Variants in DPEP1 observed in about 807,000 individuals in gnomAD.
DPEP1 encodes beta-lactamase.
Under a neutral mutation model 42.3 loss-of-function variants are expected in DPEP1, and 50 were observed. The observed-to-expected ratio is 1.18, with a 90% CI of 0.94 to 1.50. DPEP1 has a LOEUF of 1.50. Among genes scored for constraint, DPEP1 ranks in the 40% most tolerant of loss-of-function variants. DPEP1 has a pLI of 0.00. For synonymous variants in DPEP1, 297 were observed against 234.0 expected (o/e 1.27, Z -2.46); for missense variants, 663 against 553.0 (o/e 1.20, Z -1.99).
chr16:89,638,164 A>T lies in DPEP1; in HGVS notation c.1178A>T (p.His393Leu). 6.2e-7 allele frequency: 1 copy of T among 1,606,734 alleles called. No individual in the cohort carries two copies. Among genetic ancestry groups the T allele is most frequent in the Non-Finnish European group, 8.5e-7 (1 of 1,175,784 alleles). ...TCTGGGGCTTCCAGCCTCCATCGCCACTGGGGGCTCCTGCTGGCCTCCCTC... is the reference window on the plus strand; with the variant it reads ...TCTGGGGCTTCCAGCCTCCATCGCCTCTGGGGGCTCCTGCTGGCCTCCCTC... ...YSSGASSLHR[H>L]WGLLLASLAP... is the part of the protein sequence containing the mutation. Residue 393 changes from histidine (H) to leucine (L), a missense_variant, in exon 11 of 11, where the codon CAC (histidine) becomes CTC (leucine). His to Leu is a moderately conservative substitution (Grantham distance 99). Coordinates refer to ENST00000690203, the MANE Select transcript of DPEP1 (RefSeq NM_001389466.1).
intron 1 of DPEP1, among the ~76,000 whole-genome samples, chr16:89,618,595 C>T (rs971163825): frequency 5.9e-5 from 9 of 152,094 alleles, no homozygotes; most frequent in Non-Finnish European, 8.8e-5. Flanking sequence ...CCTCAAGCTC[C>T]GAGGCTCAAC....
Position 89,636,944 on chromosome 16 carries a change from G to C in DPEP1, c.591+9G>C. The C allele has an allele frequency of 6.2e-7, 1 of 1,611,962 alleles. No homozygotes were observed. Among genetic ancestry groups the C allele is most frequent in the Non-Finnish European group, 8.5e-7 (1 of 1,179,798 alleles). On this transcript the variant is annotated intron_variant, in intron 6 of 10. Coordinates refer to ENST00000690203, the MANE Select transcript of DPEP1 (RefSeq NM_001389466.1). Reference sequence around the variant, plus strand: ...TGTCACCCTTTGGGCAGGTGAGTGGGGTGGGAGCGGCCAGTCACCCCCGAG... The same window carrying C: ...TGTCACCCTTTGGGCAGGTGAGTGGCGTGGGAGCGGCCAGTCACCCCCGAG...
intron 2 of DPEP1, among the ~76,000 whole-genome samples, chr16:89,631,852 A>G (rs1392929803): frequency 1.3e-5 from 2 of 152,074 alleles, no homozygotes; most frequent in Non-Finnish European, 2.9e-5. Context: ...GTGAGACTCC[A>G]TCTCAAATTA....
At chr16:89,618,834 C>T (rs997474441) in intron 1 of DPEP1, among the ~76,000 whole-genome samples, 1 of 151,980 alleles carries the variant, frequency 6.6e-6, no homozygotes, top group African/African-American at 2.4e-5. Flanking sequence ...AGGAACCCTG[C>T]ACAAAACTGG....
At chr16:89,616,286 C>T (rs1297529718) in intron 1 of DPEP1, among the ~76,000 whole-genome samples, 2 of 152,074 alleles carry the variant, frequency 1.3e-5, no homozygotes, top group Non-Finnish European at 2.9e-5. Context: ...GGACCTGTGC[C>T]CTGGAAGGAC....
intron 1 of DPEP1, among the ~76,000 whole-genome samples, chr16:89,617,390 C>A (rs1020125873): frequency 5.9e-5 from 9 of 152,174 alleles, no homozygotes; most frequent in Admixed American, 6.5e-5. Context: ...ACGGTGCCTG[C>A]ATGGAAGAAT....
chr16:89,621,715 CATGCACGTGTGTCTGT>C (rs1287798959), intron 1 of DPEP1, among the ~76,000 whole-genome samples: 1 of 152,190 alleles, frequency 6.6e-6, no homozygotes, highest in Non-Finnish European at 1.5e-5. Flanking sequence ...CTCACCTGTG[CATGCACGTGTGTCTGT>C]GTGCACGTGG....
At chr16:89,635,852 G>T in intron 2 of DPEP1, 56 bp from the exon 3 acceptor site, 1 of 1,529,932 alleles carries the variant, frequency 6.5e-7, no homozygotes, top group Non-Finnish European at 8.8e-7. Context: ...GAGCTCGGAA[G>T]CCCCCAGGTC....
At chr16:89,628,979 A>G (rs2059550956) in intron 1 of DPEP1, among the ~76,000 whole-genome samples, 1 of 151,966 alleles carries the variant, frequency 6.6e-6, no homozygotes, top group Admixed American at 6.6e-5. Context: ...GGTGCGCACC[A>G]CCATGCCCAG....
chr16:89,631,966 T>C (rs1463518379), intron 2 of DPEP1, among the ~76,000 whole-genome samples: 1 of 152,006 alleles, frequency 6.6e-6, no homozygotes, highest in Non-Finnish European at 1.5e-5. Context: ...CTCACATCTG[T>C]ATGCTGGCCA....
chr16:89,631,534 G>A (rs761159147), intron 2 of DPEP1, among the ~76,000 whole-genome samples: 9 of 152,164 alleles, frequency 5.9e-5, no homozygotes, highest in Non-Finnish European at 1.2e-4. Flanking sequence ...AAAAAAGCAG[G>A]GAAACCCGAT....
chr16:89,623,100 T>A (rs1326746837), intron 1 of DPEP1, among the ~76,000 whole-genome samples: 2 of 151,212 alleles, frequency 1.3e-5, no homozygotes, highest in African/African-American at 4.9e-5. Context: ...CAGAGGAAGG[T>A]CAGGAGGCCC....
rs544945045 is a variant in DPEP1, at chr16:89,627,230, G to A, written c.-106-3075G>A. Among the ~76,000 whole-genome samples, 25 of 143,308 alleles carry A rather than the reference G, an allele frequency of 1.7e-4. No individual in the cohort carries two copies. In the South Asian group the frequency reaches 2.0e-3, roughly 11 times the overall value. 94.0% of individuals were successfully genotyped at this position (143,308 alleles called of 152,430 possible). A position where few individuals can be genotyped will look rare whatever the true frequency, so the allele number is the denominator to read the frequency against. On this transcript the variant is annotated intron_variant, in intron 1 of 10. Transcript: ENST00000690203. Reference sequence around the variant, plus strand: ...AGAGCTTGCAGTGAGCTGAGGTTGCGCCACTGCACTCCAGCCTGGGCAATA... The same window carrying A: ...AGAGCTTGCAGTGAGCTGAGGTTGCACCACTGCACTCCAGCCTGGGCAATA...
rs766403799 is a variant in DPEP1, at chr16:89,630,447, G to A, written c.37G>A (p.Val13Ile). ...ATGGTGGCTGTGGCCCCTTGTGGCC[G>A]TCTGCACTGCAGACTTCTTTCGGGA... Reference protein sequence around the residue: ...SGWWLWPLVAVCTADFFRDEA... With the variant: ...SGWWLWPLVAICTADFFRDEA... The change falls in exon 2 of 11, where the codon GTC becomes ATC. Residue 13 changes from valine (V) to isoleucine (I), a missense_variant. Val to Ile is a conservative substitution (Grantham distance 29, BLOSUM62 3). Transcript: ENST00000690203. 26 of 1,611,468 alleles carry A rather than the reference G, an allele frequency of 1.6e-5. No homozygotes were observed. Among genetic ancestry groups the A allele is most frequent in the African/African-American group, 1.3e-4 (10 of 74,444 alleles).
At chr16:89,622,814 T>C (rs1448234593) in intron 1 of DPEP1, among the ~76,000 whole-genome samples, 1 of 146,758 alleles carries the variant, frequency 6.8e-6, no homozygotes, top group Non-Finnish European at 1.5e-5. Flanking sequence ...CGTCAGACAA[T>C]AGAAAGTCTC....
rs2059567554 is a variant in DPEP1, at chr16:89,630,312, G to A, written c.-99G>A. On this transcript the variant is annotated 5_prime_UTR_variant, in exon 2 of 11. Coordinates refer to ENST00000690203, the MANE Select transcript of DPEP1 (RefSeq NM_001389466.1). Reference sequence around the variant, plus strand: ...TGGTGCCTCTCCTGGCAGGCAGAGTGGCTCCTCACAGCCTGAAGCTCATCC... The same window carrying A: ...TGGTGCCTCTCCTGGCAGGCAGAGTAGCTCCTCACAGCCTGAAGCTCATCC... 2 of 898,932 alleles carry A rather than the reference G, an allele frequency of 2.2e-6. No individual in the cohort carries two copies. Among genetic ancestry groups the A allele is most frequent in the South Asian group, 1.5e-5 (1 of 68,622 alleles). 55.7% of individuals were successfully genotyped at this position (898,932 alleles called of 1,614,324 possible).
At chr16:89,629,783 C>T (rs538062892) in intron 1 of DPEP1, among the ~76,000 whole-genome samples, 95 of 152,256 alleles carry the variant, frequency 6.2e-4, no homozygotes, top group Non-Finnish European at 8.8e-4. Flanking sequence ...GTCCCTGTGA[C>T]GCTGGAGGGC....
intron 9 of DPEP1, 25 bp from the exon 10 acceptor site, chr16:89,637,811 C>G: frequency 6.2e-7 from 1 of 1,612,518 alleles, no homozygotes; most frequent in Non-Finnish European, 8.5e-7. Flanking sequence ...GTGTGGGGGC[C>G]CAGGTTCTCC....
At chr16:89,634,428 T>G (rs1567989872) in intron 2 of DPEP1, among the ~76,000 whole-genome samples, 1 of 152,272 alleles carries the variant, frequency 6.6e-6, no homozygotes, top group East Asian at 1.9e-4. Context: ...CCTTTGCTCC[T>G]GGTCTCTGCC....
Sources: gnomAD v4.1 joint callset for allele counts (sites outside exome capture counted in the v4.1 genomes callset) on GRCh38, gnomAD v4.1.1 for gene constraint, MANE v1.5 for transcripts, NCBI Gene and HGNC (gene_info 2026-07-23, HGNC 2026-07-21) for gene names.